The following MAGI1 variants were observed in gnomAD, a reference collection of about 807,000 sequenced individuals.
MAGI1 encodes membrane-associated guanylate kinase, WW and PDZ domain-containing protein 1.
Under a neutral mutation model 139.9 loss-of-function variants are expected in MAGI1, and 58 were observed. The observed-to-expected ratio is 0.41, with a 90% CI of 0.34 to 0.52. MAGI1 has a LOEUF of 0.52. Among genes scored for constraint, MAGI1 ranks in the 20% least tolerant of loss-of-function variants. The pLI, the probability that MAGI1 is intolerant of heterozygous loss-of-function variation, is 0.12. For synonymous variants in MAGI1, 812 were observed against 737.9 expected (o/e 1.10, Z -1.63); for missense variants, 1,874 against 1,901.6 (o/e 0.99, Z 0.27).
At chr3:65,380,836 T>C (rs908630110) in intron 16 of MAGI1, 2 of 152,194 alleles carry the variant, frequency 1.3e-5, no homozygotes, top group African/African-American at 4.8e-5. Flanking sequence ...TGGAATAGTA[T>C]GTTAAGAAGG....
intron 4 of MAGI1, among the ~76,000 whole-genome samples, chr3:65,474,542 CGTTTGTAAA>C: frequency 6.6e-6 from 1 of 151,992 alleles, no homozygotes; most frequent in South Asian, 2.1e-4. Flanking sequence ...ACATAAAAAT[CGTTTGTAAA>C]ACAGAAACGA....
chr3:65,526,814 C>T (rs904320767), intron 2 of MAGI1, among the ~76,000 whole-genome samples: 2 of 152,168 alleles, frequency 1.3e-5, no homozygotes, highest in African/African-American at 2.4e-5. Context: ...TTCCTACAAT[C>T]CTCTAATAGT....
chr3:65,665,061 G>C (rs2086425775), intron 1 of MAGI1, among the ~76,000 whole-genome samples: 1 of 152,178 alleles, frequency 6.6e-6, no homozygotes, highest in Admixed American at 6.5e-5. Context: ...TGCTGAGGCA[G>C]AAGAGCCTTT....
intron 1 of MAGI1, among the ~76,000 whole-genome samples, chr3:65,865,112 C>T (rs894267861): frequency 4.6e-5 from 7 of 152,176 alleles, no homozygotes; most frequent in Non-Finnish European, 1.0e-4. Context: ...TACATAGACA[C>T]ACCTACAGAG....
At chr3:65,996,913 T>C (rs928228150) in intron 1 of MAGI1, among the ~76,000 whole-genome samples, 3 of 152,240 alleles carry the variant, frequency 2.0e-5, no homozygotes, top group Non-Finnish European at 1.5e-5. Context: ...ACTCTTGTGG[T>C]TGTCATACAC....
At chr3:65,483,465 C>T (rs1323550935) in intron 3 of MAGI1, among the ~76,000 whole-genome samples, 1 of 152,232 alleles carries the variant, frequency 6.6e-6, no homozygotes, top group Non-Finnish European at 1.5e-5. Context: ...ACAAACCTTA[C>T]AAAGTCTAGC....
intron 12 of MAGI1, chr3:65,402,024 C>T (rs1011595852): frequency 4.8e-6 from 2 of 415,812 alleles, no homozygotes; most frequent in African/African-American, 2.2e-5. Context: ...AAAACAAAGA[C>T]GGATGCTCTT....
chr3:65,459,416 T>C (rs1230277479), intron 5 of MAGI1, among the ~76,000 whole-genome samples: 1 of 152,202 alleles, frequency 6.6e-6, no homozygotes, highest in Admixed American at 6.5e-5. Flanking sequence ...ACAATATTGA[T>C]TCTTCCAATC....
At chr3:65,473,639 CAAAAAAAAAAAA>C (rs35970775) in intron 4 of MAGI1, among the ~76,000 whole-genome samples, 6 of 87,356 alleles carry the variant, frequency 6.9e-5, no homozygotes, top group African/African-American at 2.4e-4. Context: ...TACATGTTTA[CAAAAAAAAAAAA>C]AAAAAAAAAA....
intron 1 of MAGI1, among the ~76,000 whole-genome samples, chr3:65,785,829 A>G (rs1272725037): frequency 6.6e-6 from 1 of 152,228 alleles, no homozygotes; most frequent in Non-Finnish European, 1.5e-5. Flanking sequence ...ATTTCACTGA[A>G]TAACTATCTC....
At chr3:65,730,595 C>T (rs557310467) in intron 1 of MAGI1, among the ~76,000 whole-genome samples, 14 of 152,252 alleles carry the variant, frequency 9.2e-5, no homozygotes, top group African/African-American at 2.6e-4. Flanking sequence ...CTGTGATTCA[C>T]GACGTATGAC....
At chr3:65,812,727 T>G (rs2041350691) in intron 1 of MAGI1, among the ~76,000 whole-genome samples, 1 of 94,192 alleles carries the variant, frequency 1.1e-5, no homozygotes, top group Non-Finnish European at 2.1e-5. Flanking sequence ...TTTTTTTTTT[T>G]GAGACAGAGT....
intron 1 of MAGI1, among the ~76,000 whole-genome samples, chr3:65,734,911 G>A (rs920160979): frequency 8.0e-5 from 12 of 149,394 alleles, no homozygotes; most frequent in Non-Finnish European, 1.5e-4. Flanking sequence ...GGAAGAGAGC[G>A]GAGGGGAGGG....
At chr3:65,697,175 A>G (rs1576780639) in intron 1 of MAGI1, among the ~76,000 whole-genome samples, 1 of 152,196 alleles carries the variant, frequency 6.6e-6, no homozygotes, top group Middle Eastern at 3.4e-3. Flanking sequence ...CTAAACCAGG[A>G]AGAAGTTGAA....
intron 1 of MAGI1, among the ~76,000 whole-genome samples, chr3:65,779,307 A>G (rs1164767623): frequency 6.6e-6 from 1 of 152,184 alleles, no homozygotes; most frequent in Admixed American, 6.5e-5. Flanking sequence ...GCACAAATAG[A>G]ATATTCTGGT....
chr3:65,386,608 C>T (rs1414871995), intron 14 of MAGI1, among the ~76,000 whole-genome samples: 2 of 152,152 alleles, frequency 1.3e-5, no homozygotes, highest in Non-Finnish European at 2.9e-5. Flanking sequence ...TAAACTACTT[C>T]CCCCAAAATG....
intron 1 of MAGI1, among the ~76,000 whole-genome samples, chr3:65,881,721 G>A (rs189409159): frequency 2.0e-5 from 3 of 152,232 alleles, no homozygotes; most frequent in African/African-American, 7.2e-5. Context: ...TCTTAAGAAC[G>A]TCTAGGTGTA....
At chr3:65,862,586 TG>T (rs1266607569) in intron 1 of MAGI1, among the ~76,000 whole-genome samples, 2 of 152,202 alleles carry the variant, frequency 1.3e-5, no homozygotes, top group Non-Finnish European at 2.9e-5. Context: ...ACCATGTAAC[TG>T]GGTTCTATAG....
intron 1 of MAGI1, among the ~76,000 whole-genome samples, chr3:65,765,361 G>T (rs571266163): frequency 6.6e-6 from 1 of 152,296 alleles, no homozygotes; most frequent in African/African-American, 2.4e-5. Context: ...CCAAGCATTT[G>T]GTTGTGGCAC....
Sources: allele counts gnomAD v4.1 joint callset (sites outside exome capture counted in the v4.1 genomes callset), GRCh38; gene constraint gnomAD v4.1.1; transcripts MANE v1.5; gene names NCBI Gene and HGNC (gene_info 2026-07-23, HGNC 2026-07-21).